The following DMRTA1 variants were observed in gnomAD, a reference collection of about 807,000 sequenced individuals.
DMRTA1 encodes the protein DMRT like family A1.
DMRTA1 carries 34 observed loss-of-function variants against 35.2 expected under a neutral mutation model. That is an observed-to-expected ratio of 0.97 (90% confidence interval 0.74 to 1.29). The LOEUF is 1.29. Among genes scored for constraint, DMRTA1 ranks in the 50% most tolerant of loss-of-function variants. The pLI is 0.00. For missense variants in DMRTA1, 824 were observed against 644.6 expected (o/e 1.28, Z -3.01); for synonymous variants, 344 against 276.6 (o/e 1.24, Z -2.42).
In DMRTA1 at chr9:22,446,917, G is replaced by A; in HGVS notation, c.-149G>A. ...ACGCGGTCGTCCCAACTCCTTCCGA[G>A]TGGAAAGAGTGTAAAACTTTTGTCC... is the stretch of plus-strand genomic sequence containing the variant. On this transcript the variant is annotated 5_prime_UTR_variant, in exon 1 of 2. The change creates a new upstream start codon in the 5' untranslated region. Coordinates refer to ENST00000325870, the MANE Select transcript of DMRTA1 (RefSeq NM_022160.3). 1 of 985,608 alleles carries A rather than the reference G, an allele frequency of 1.0e-6. No homozygotes were observed. Among genetic ancestry groups the A allele is most frequent in the South Asian group, 1.7e-5 (1 of 59,694 alleles). The allele number at this position is 985,608 out of a possible 1,614,324, so 61.1% of individuals were successfully genotyped here. A position where few individuals can be genotyped will look rare whatever the true frequency, so the allele number is the denominator to read the frequency against.
chr9:22,447,185 G>T lies in DMRTA1; in HGVS notation c.120G>T (p.Gly40=). The change falls in exon 1 of 2, where the codon GGG becomes GGT. Residue 40 remains glycine, a synonymous_variant. Coordinates refer to ENST00000325870, the MANE Select transcript of DMRTA1 (RefSeq NM_022160.3). ...CCCCGGCGTTGCCGGTACCATCGGG[G>T]ATGCAGGTTCCCCCAGCGTTCCTGC... is the stretch of plus-strand genomic sequence containing the variant. ...PPSPALPVPS[G]MQVPPAFLRP... is the part of the protein sequence containing the mutation. 1 of 1,597,342 alleles carries T rather than the reference G, an allele frequency of 6.3e-7. No individual in the cohort carries two copies. Among genetic ancestry groups the T allele is most frequent in the Non-Finnish European group, 8.5e-7 (1 of 1,173,880 alleles).
At chr9:22,450,478 CTGAAA>C (rs1272332037) in intron 1 of DMRTA1, among the ~76,000 whole-genome samples, 3 of 152,036 alleles carry the variant, frequency 2.0e-5, no homozygotes, top group South Asian at 2.1e-4. Context: ...TGGTTTAAAT[CTGAAA>C]TGAAATGAAC....
At chr9:22,450,352 G>C (rs1429552353) in intron 1 of DMRTA1, among the ~76,000 whole-genome samples, 1 of 135,064 alleles carries the variant, frequency 7.4e-6, no homozygotes, top group Non-Finnish European at 1.5e-5. Flanking sequence ...CTTAAGGATT[G>C]AAAAAGAAAG....
Position 22,455,700 on chromosome 9 carries a change from A to G in DMRTA1, c.*3789A>G, listed in dbSNP as rs1340714598. 2 of 152,098 alleles carry G rather than the reference A, an allele frequency of 1.3e-5. No individual in the cohort carries two copies. The highest frequency in any genetic ancestry group is 3.2e-3 in the Middle Eastern group (1 of 316). The allele number at this position is 152,098 out of a possible 1,614,324, so 9.4% of individuals were successfully genotyped here. ...TATTCTCGTATATGTTATTTGGATT[A>G]TTTTCAGGGCTTTCTGAAGAAAATA... On this transcript the variant is annotated 3_prime_UTR_variant, in exon 2 of 2. Transcript: ENST00000325870.
chr9:22,447,847 T>TA, intron 1 of DMRTA1, 115 bp downstream of exon 1: 1 of 1,306,250 alleles, frequency 7.7e-7, no homozygotes, highest in Non-Finnish European at 1.1e-6. Flanking sequence ...AAGAAACACT[T>TA]TAAGTTTTGG....
At position 22,451,053 on chromosome 9, in the gene DMRTA1, C is replaced by A. The variant is rs541190708; in HGVS notation, c.668-11C>A. The A allele has an allele frequency of 1.3e-6, 2 of 1,596,342 alleles. No individual in the cohort carries two copies. The highest frequency in any genetic ancestry group is 8.5e-7 in the Non-Finnish European group (1 of 1,172,686). ...CCCTGTATTTGATTTTTTTTTCCCCCTCTTCTCCAGAACAAAAAGAGAGTA... is the reference window on the plus strand; with the variant it reads ...CCCTGTATTTGATTTTTTTTTCCCCATCTTCTCCAGAACAAAAAGAGAGTA... On this transcript the variant is annotated splice_polypyrimidine_tract_variant and intron_variant, in intron 1 of 1. Coordinates refer to ENST00000325870, the MANE Select transcript of DMRTA1 (RefSeq NM_022160.3).
rs748435300 is a variant in DMRTA1 at position 22,447,245 on chromosome 9, GGCCGCC to G, written c.189_194del (p.Ala66_Ala67del). On this transcript the variant is annotated inframe_deletion, in exon 1 of 2. Transcript: ENST00000325870. ...GCCTCTTTCTGCGAGCAGCGGCCGC[GGCCGCC>G]GCCGCCGCTGCCGCCACCTCGGGAA... The G allele has an allele frequency of 2.3e-5, 34 of 1,505,252 alleles. No individual in the cohort carries two copies. Among genetic ancestry groups the G allele is most frequent in the Non-Finnish European group, 2.9e-5 (33 of 1,134,754 alleles). The allele number at this position is 1,505,252 out of a possible 1,614,324, so 93.2% of individuals were successfully genotyped here. A position where few individuals can be genotyped will look rare whatever the true frequency, so the allele number is the denominator to read the frequency against.
In DMRTA1 at chr9:22,451,958, C is replaced by T. The variant is rs1818938385; in HGVS notation, c.*47C>T. The T allele has an allele frequency of 3.1e-6, 5 of 1,595,372 alleles. No individual in the cohort carries two copies. The African/African-American group carries it at 4.0e-5, about 13-fold the overall frequency. The stretch of plus-strand genomic sequence containing the variant: ...TCTGGAGTTTTTCCAGCATACAATA[C>T]ATGCACGTGCACACACATACACACA... On this transcript the variant is annotated 3_prime_UTR_variant, in exon 2 of 2. Transcript: ENST00000325870.
chr9:22,450,001 C>G (rs1283038561), intron 1 of DMRTA1, among the ~76,000 whole-genome samples: 3 of 152,212 alleles, frequency 2.0e-5, no homozygotes, highest in East Asian at 1.9e-4. Context: ...TAACAGTTTA[C>G]TCTTACCTAT....
In DMRTA1 at chr9:22,455,308, G is replaced by A. The variant is rs1043590154; in HGVS notation, c.*3397G>A. On this transcript the variant is annotated 3_prime_UTR_variant, in exon 2 of 2. Coordinates refer to ENST00000325870, the MANE Select transcript of DMRTA1 (RefSeq NM_022160.3). ...TTTTGGAATTGAGGAAACCTAGAATGGATTTATCTATATGACTTGGACAGG... is the reference window on the plus strand; with the variant it reads ...TTTTGGAATTGAGGAAACCTAGAATAGATTTATCTATATGACTTGGACAGG... 1 of 152,134 alleles carries A rather than the reference G, an allele frequency of 6.6e-6. No homozygotes were observed. Among genetic ancestry groups the A allele is most frequent in the South Asian group, 2.1e-4 (1 of 4,830 alleles). 9.4% of individuals were successfully genotyped at this position (152,134 alleles called of 1,614,324 possible).
intron 1 of DMRTA1, 110 bp from the exon 2 acceptor site, chr9:22,450,954 A>G (rs1033016510): frequency 6.4e-5 from 71 of 1,113,994 alleles, no homozygotes; most frequent in Non-Finnish European, 8.7e-5. Flanking sequence ...AAATATTACT[A>G]ATTAATAGGA....
rs2117971022 is a variant in DMRTA1 at position 22,454,805 on chromosome 9, T to G, written c.*2894T>G. The G allele has an allele frequency of 6.6e-6, 1 of 152,298 alleles. No individual in the cohort carries two copies. Among genetic ancestry groups the G allele is most frequent in the East Asian group, 1.9e-4 (1 of 5,192 alleles). 9.4% of individuals were successfully genotyped at this position (152,298 alleles called of 1,614,324 possible). A position where few individuals can be genotyped will look rare whatever the true frequency, so the allele number is the denominator to read the frequency against. On this transcript the variant is annotated 3_prime_UTR_variant, in exon 2 of 2. Transcript: ENST00000325870. ...AATGACTTTTTTCACAGTTAACAGC[T>G]GTCCAAGAGTGTAGTGGCTGCCTCG...
intron 1 of DMRTA1, 34 bp from the exon 2 acceptor site, chr9:22,451,030 C>T (rs1443075283): frequency 2.5e-6 from 4 of 1,582,538 alleles, no homozygotes; most frequent in Non-Finnish European, 2.6e-6. Context: ...GAAGTCTTCC[C>T]TGTATTTGAT....
At chr9:22,450,605 A>T (rs898928890) in intron 1 of DMRTA1, among the ~76,000 whole-genome samples, 3 of 152,170 alleles carry the variant, frequency 2.0e-5, no homozygotes, top group African/African-American at 7.2e-5. Context: ...TTTTCAAACT[A>T]AGATTATTCC....
chr9:22,448,240 G>T (rs1238684341), intron 1 of DMRTA1, among the ~76,000 whole-genome samples: 3 of 152,118 alleles, frequency 2.0e-5, no homozygotes, highest in Admixed American at 6.5e-5. Context: ...ACTGTTTTCA[G>T]CTGTAAAACC....
At position 22,452,829 on chromosome 9, in the gene DMRTA1, G is replaced by C. The variant is rs139224304; in HGVS notation, c.*918G>C. 1 of 152,176 alleles carries C rather than the reference G, an allele frequency of 6.6e-6. No individual in the cohort carries two copies. Among genetic ancestry groups the C allele is most frequent in the East Asian group, 1.9e-4 (1 of 5,188 alleles). 9.4% of individuals were successfully genotyped at this position (152,176 alleles called of 1,614,324 possible). A position where few individuals can be genotyped will look rare whatever the true frequency, so the allele number is the denominator to read the frequency against. ...AAATATCCTTAAAAGTTTGGGACAA[G>C]AATATATGGCAGCCATTCTCAAAGG... On this transcript the variant is annotated 3_prime_UTR_variant, in exon 2 of 2. Coordinates refer to ENST00000325870, the MANE Select transcript of DMRTA1 (RefSeq NM_022160.3).
rs1818861264 is a variant in DMRTA1, at chr9:22,447,710, A to G, written c.645A>G (p.Gln215=). 1.2e-6 allele frequency: 2 copies of G among 1,613,348 alleles called. No individual in the cohort carries two copies. The highest frequency in any genetic ancestry group is 2.2e-5 in the East Asian group (1 of 44,862). ...SATPAFEVFQ[Q]DYPEEKQEQK... The stretch of plus-strand genomic sequence containing the variant: ...CCCCCGCTTTCGAAGTTTTCCAGCA[A>G]GATTATCCTGAGGAAAAACAAGGTG... The change falls in exon 1 of 2, where the codon CAA becomes CAG. Residue 215 remains glutamine (Q), a synonymous_variant. Coordinates refer to ENST00000325870, the MANE Select transcript of DMRTA1 (RefSeq NM_022160.3).
rs1305702038 is a variant in DMRTA1, at chr9:22,452,872, A to G, written c.*961A>G. The G allele has an allele frequency of 1.3e-5, 2 of 152,152 alleles. No homozygotes were observed. The allele number at this position is 152,152 out of a possible 1,614,324, so 9.4% of individuals were successfully genotyped here. A position where few individuals can be genotyped will look rare whatever the true frequency, so the allele number is the denominator to read the frequency against. On this transcript the variant is annotated 3_prime_UTR_variant, in exon 2 of 2. Transcript: ENST00000325870. The stretch of plus-strand genomic sequence containing the variant: ...CTCAAAGGTAAGAATAATTTTATTC[A>G]GAAAACTAAAATAGCTGCTCAAATA...
chr9:22,448,655 A>G (rs1818875292), intron 1 of DMRTA1, among the ~76,000 whole-genome samples: 1 of 152,046 alleles, frequency 6.6e-6, no homozygotes, highest in Non-Finnish European at 1.5e-5. Context: ...GCTGTATTAT[A>G]TGAAATTGTA....
Sources: gnomAD v4.1 joint callset for allele counts (sites outside exome capture counted in the v4.1 genomes callset) on GRCh38, gnomAD v4.1.1 for gene constraint, MANE v1.5 for transcripts, NCBI Gene and HGNC (gene_info 2026-07-23, HGNC 2026-07-21) for gene names.